DMXL2: variants seen among roughly 807,000 people sequenced by gnomAD.
The protein encoded by DMXL2 is Dmx like 2.
In DMXL2, 103 loss-of-function variants were observed where a neutral mutation model predicts 331.1. The ratio of observed to expected loss-of-function variants is 0.31; its 90% CI spans 0.27 to 0.37. The LOEUF is 0.37. Ranked by LOEUF, DMXL2 falls within the 10% of genes least tolerant of loss-of-function variation. DMXL2 has a pLI of 1.00. For synonymous variants in DMXL2, 1,281 were observed against 1,252.1 expected (o/e 1.02, Z -0.49); for missense variants, 3,171 against 3,642.9 (o/e 0.87, Z 3.33).
chr15:51,534,597 C>A (rs1203871734), intron 13 of DMXL2, among the ~76,000 whole-genome samples: 1 of 152,152 alleles, frequency 6.6e-6, no homozygotes, highest in Non-Finnish European at 1.5e-5. Context: ...GCTGGTGAGA[C>A]CAGGTGACCT....
At chr15:51,564,081 C>A (rs1273993269) in intron 5 of DMXL2, 44 bp downstream of exon 5, 3 of 1,543,088 alleles carry the variant, frequency 1.9e-6, no homozygotes, top group Admixed American at 2.3e-5. Context: ...TTAGGAAGCA[C>A]TTGCTTTTAA....
intron 29 of DMXL2, among the ~76,000 whole-genome samples, chr15:51,466,961 A>AAT (rs2140282711): frequency 6.6e-6 from 1 of 152,132 alleles, no homozygotes; most frequent in South Asian, 2.1e-4. Context: ...TTGATGCAAA[A>AAT]ATATAATACA....
At chr15:51,522,152 TA>T (rs920792574) in intron 13 of DMXL2, among the ~76,000 whole-genome samples, 3 of 152,112 alleles carry the variant, frequency 2.0e-5, no homozygotes, top group South Asian at 4.1e-4. Context: ...TTAAATGGAA[TA>T]AAAAAAACTT....
chr15:51,578,063 G>T (rs1310936041), intron 1 of DMXL2, among the ~76,000 whole-genome samples: 2 of 152,144 alleles, frequency 1.3e-5, no homozygotes, highest in Non-Finnish European at 2.9e-5. Context: ...ATGACAAACT[G>T]CCATGACAGA....
At chr15:51,469,193 C>CTT (rs74265738) in intron 29 of DMXL2, among the ~76,000 whole-genome samples, 11 of 142,556 alleles carry the variant, frequency 7.7e-5, no homozygotes, top group Non-Finnish European at 1.2e-4. Context: ...ATTTAAAATC[C>CTT]TTTTTTTTTT....
At chr15:51,573,713 G>C (rs995867321) in intron 2 of DMXL2, among the ~76,000 whole-genome samples, 1 of 152,022 alleles carries the variant, frequency 6.6e-6, no homozygotes, top group African/African-American at 2.4e-5. Context: ...GGCTAGGGGA[G>C]GGATAGCATT....
intron 26 of DMXL2, among the ~76,000 whole-genome samples, chr15:51,477,401 G>C (rs2041672595): frequency 6.6e-6 from 1 of 151,908 alleles, no homozygotes; most frequent in Non-Finnish European, 1.5e-5. Context: ...CATCAAACAA[G>C]TTATCTTTGA....
At position 51,481,504 on chromosome 15, in the gene DMXL2, T is replaced by C. The variant is rs142524947; in HGVS notation, c.5602A>G (p.Lys1868Glu). ...PEGTLATLGL[K>E]TEKNFVDKIN... is the part of the protein sequence containing the mutation. ...TTATCAACAAAGTTCTTCTCAGTTT[T>C]GAGACCTAAGGTTGCCAAAGTTCCT... is the stretch of plus-strand genomic sequence containing the variant. Residue 1868 changes from lysine (K) to glutamate (E), a missense_variant, in exon 24 of 44, where the codon AAA becomes GAA. Around this residue, in one of 7 missense-constraint regions of DMXL2, gnomAD observed 244 missense variants for 251.4 expected, o/e 0.97. Transcript: ENST00000560891. 12 of 1,613,876 alleles carry C rather than the reference T, an allele frequency of 7.4e-6. No homozygotes were observed. The African/African-American group carries it at 1.6e-4, about 22-fold the overall frequency.
intron 1 of DMXL2, among the ~76,000 whole-genome samples, chr15:51,594,748 G>C (rs547802463): frequency 3.9e-4 from 60 of 152,290 alleles, no homozygotes; most frequent in African/African-American, 1.3e-3. Context: ...TGGGATGCAA[G>C]GCTGGTTCAA....
At chr15:51,467,201 G>T (rs1466828759) in intron 29 of DMXL2, among the ~76,000 whole-genome samples, 1 of 151,918 alleles carries the variant, frequency 6.6e-6, no homozygotes. Context: ...GAGAAGGAAG[G>T]TAAAATAAAT....
intron 1 of DMXL2, among the ~76,000 whole-genome samples, chr15:51,601,019 T>C (rs1241912533): frequency 2.0e-5 from 3 of 151,992 alleles, no homozygotes; most frequent in African/African-American, 4.8e-5. Flanking sequence ...TGGCCAGGCA[T>C]GGTGGCTTAT....
At chr15:51,478,447 T>C in intron 25 of DMXL2, 100 bp from the exon 26 acceptor site, 2 of 969,864 alleles carry the variant, frequency 2.1e-6, no homozygotes, top group South Asian at 3.0e-5. Flanking sequence ...AGCAACATCA[T>C]AAATAAGACT....
intron 43 of DMXL2, among the ~76,000 whole-genome samples, chr15:51,449,659 T>C (rs1778346535): frequency 6.6e-6 from 1 of 152,216 alleles, no homozygotes; most frequent in South Asian, 2.1e-4. Context: ...GTTGAAAATA[T>C]TAAGTTGAAA....
intron 1 of DMXL2, among the ~76,000 whole-genome samples, chr15:51,580,632 A>G (rs567104242): frequency 6.6e-6 from 1 of 152,300 alleles, no homozygotes; most frequent in South Asian, 2.1e-4. Flanking sequence ...CACACAGAGA[A>G]GGCCCAAGAA....
At chr15:51,622,023 G>A (rs1567197256) in intron 1 of DMXL2, among the ~76,000 whole-genome samples, 1 of 149,572 alleles carries the variant, frequency 6.7e-6, no homozygotes, top group African/African-American at 2.5e-5. Flanking sequence ...TCGCCTCCAC[G>A]CTCCGAGACC....
intron 1 of DMXL2, among the ~76,000 whole-genome samples, chr15:51,580,004 G>C (rs1334642602): frequency 6.6e-6 from 1 of 152,164 alleles, no homozygotes; most frequent in South Asian, 2.1e-4. Flanking sequence ...TAAAGTTCCT[G>C]CTCTTTCCAT....
chr15:51,590,938 G>A (rs1438338398), intron 1 of DMXL2, among the ~76,000 whole-genome samples: 1 of 151,886 alleles, frequency 6.6e-6, no homozygotes, highest in African/African-American at 2.4e-5. Context: ...ATTAAAAATA[G>A]CAGACAAGGG....
rs534720242 is a variant in DMXL2 at position 51,542,260 on chromosome 15, G to A, written c.1105+73C>T. On this transcript the variant is annotated intron_variant, in intron 9 of 43. Coordinates refer to ENST00000560891, the MANE Select transcript of DMXL2 (RefSeq NM_001378457.1). The stretch of plus-strand genomic sequence containing the variant: ...CATGAAATAATAAAAAACAGGTTAT[G>A]AAAGTAGTTCCACTTTTCTATTTAT... The A allele has an allele frequency of 2.9e-5, 41 of 1,394,654 alleles. No homozygotes were observed. The African/African-American group carries it at 5.3e-4, about 18-fold the overall frequency. The allele number at this position is 1,394,654 out of a possible 1,614,324, so 86.4% of individuals were successfully genotyped here.
At chr15:51,546,251 A>C (rs1458733365) in intron 7 of DMXL2, among the ~76,000 whole-genome samples, 1 of 152,176 alleles carries the variant, frequency 6.6e-6, no homozygotes, top group East Asian at 1.9e-4. Context: ...ATTAAGTTAA[A>C]ATAAGCAAAA....
Sources: gnomAD v4.1 joint callset for allele counts (sites outside exome capture counted in the v4.1 genomes callset) on GRCh38, gnomAD v4.1.1 for gene constraint, gnomAD v4.1.1 regional missense constraint, MANE v1.5 for transcripts, NCBI Gene and HGNC (gene_info 2026-07-23, HGNC 2026-07-21) for gene names.